The following SMIM36 variants were observed in gnomAD, a reference collection of about 807,000 sequenced individuals.
The protein encoded by SMIM36 is small integral membrane protein 36.
chr17:55,500,578 C>T (rs921604781), intron 1 of SMIM36, among the ~76,000 whole-genome samples: 1 of 150,982 alleles, frequency 6.6e-6, no homozygotes, highest in African/African-American at 2.4e-5. Context: ...AACTCAATGC[C>T]GTCTATTCCA....
At chr17:55,479,780 C>T (rs1909489330) in intron 1 of SMIM36, among the ~76,000 whole-genome samples, 200 bp from the exon 2 acceptor site, 1 of 152,132 alleles carries the variant, frequency 6.6e-6, no homozygotes, top group East Asian at 1.9e-4. Flanking sequence ...ATATTTTCAT[C>T]TTAGAGCCGT....
intron 1 of SMIM36, among the ~76,000 whole-genome samples, chr17:55,490,505 A>G (rs1909684062): frequency 6.6e-6 from 1 of 152,164 alleles, no homozygotes; most frequent in South Asian, 2.1e-4. Context: ...TACACTTGAC[A>G]TTTTTTGAGA....
rs528991834 is a variant in SMIM36 at position 55,473,930 on chromosome 17, C to T, written c.*347+4832G>A. 3.9e-5 allele frequency among the ~76,000 whole-genome samples: 6 copies of T among 152,240 alleles called. No individual in the cohort carries two copies. The South Asian group carries it at 6.2e-4, about 16-fold the overall frequency. ...ACCCTGGGCCTGGTAGTTTAAAGAT[C>T]GGCCCCTGACCTAATCAGTTATTTG... is the stretch of plus-strand genomic sequence containing the variant. On this transcript the variant is annotated intron_variant, in intron 3 of 4. Coordinates refer to ENST00000636752, the Ensembl canonical transcript of SMIM36.
chr17:55,500,812 ATATAT>A (rs1427402266), intron 1 of SMIM36, among the ~76,000 whole-genome samples: 2 of 55,090 alleles, frequency 3.6e-5, no homozygotes, highest in African/African-American at 7.2e-5. Flanking sequence ...ATATATTATA[ATATAT>A]TATATTTTAT....
chr17:55,493,315 T>C (rs1389108616), intron 1 of SMIM36, among the ~76,000 whole-genome samples: 6 of 152,112 alleles, frequency 3.9e-5, no homozygotes, highest in Admixed American at 1.3e-4. Context: ...TAAGTGAAGC[T>C]AGTGCCTCCT....
chr17:55,486,059 G>A (rs568758284), intron 1 of SMIM36, among the ~76,000 whole-genome samples: 24 of 143,978 alleles, frequency 1.7e-4, no homozygotes, highest in African/African-American at 4.6e-4. Flanking sequence ...TTTTTGAGAC[G>A]GAGTCTTGCT....
chr17:55,450,894 C>CT (rs945991045), intron 4 of SMIM36, among the ~76,000 whole-genome samples: 80 of 149,666 alleles, frequency 5.3e-4, no homozygotes, highest in African/African-American at 1.3e-3. Flanking sequence ...ATAGTGGCTT[C>CT]TTTTTTTTTT....
At chr17:55,452,735 A>G (rs1215690667) in intron 4 of SMIM36, among the ~76,000 whole-genome samples, 1 of 152,204 alleles carries the variant, frequency 6.6e-6, no homozygotes, top group African/African-American at 2.4e-5. Context: ...TTGCTTTCTA[A>G]TAGAAAAAAT....
intron 1 of SMIM36, among the ~76,000 whole-genome samples, chr17:55,496,909 C>T (rs1225493462): frequency 6.6e-6 from 1 of 152,166 alleles, no homozygotes; most frequent in African/African-American, 2.4e-5. Flanking sequence ...GCATGACAGT[C>T]TCAAACTCCC....
chr17:55,461,460 G>GT lies in SMIM36; in HGVS notation c.*531+5684dup, dbSNP rs1276334153. On this transcript the variant is annotated intron_variant, in intron 4 of 4. Transcript: ENST00000636752. Reference sequence around the variant, plus strand: ...AACTATAGGGACAGAAATCAGATCAGTGATTGCCAGGGACTGTGGTGGGGA... The same window carrying GT: ...AACTATAGGGACAGAAATCAGATCAGTTGATTGCCAGGGACTGTGGTGGGGA... Among the ~76,000 whole-genome samples the GT allele has an allele frequency of 2.6e-5, 4 of 152,278 alleles. No homozygotes were observed. In the East Asian group the frequency reaches 7.7e-4, roughly 29 times the overall value.
chr17:55,489,905 G>A (rs544488219), intron 1 of SMIM36, among the ~76,000 whole-genome samples: 4 of 152,154 alleles, frequency 2.6e-5, no homozygotes, highest in African/African-American at 4.8e-5. Context: ...CTGGAGTGCA[G>A]TGGCACAATC....
At chr17:55,515,412 A>G (rs1307278881), upstream of SMIM36, among the ~76,000 whole-genome samples, 2 of 152,100 alleles carry the variant, frequency 1.3e-5, no homozygotes, top group Non-Finnish European at 2.9e-5. Context: ...TTCCATCTAT[A>G]CTGGGTTGAA....
chr17:55,467,589 G>T (rs1297510386), intron 3 of SMIM36, among the ~76,000 whole-genome samples: 1 of 152,068 alleles, frequency 6.6e-6, no homozygotes, highest in Non-Finnish European at 1.5e-5. Context: ...GTAGAGACGG[G>T]GTTTCACTGT....
intron 1 of SMIM36, among the ~76,000 whole-genome samples, chr17:55,503,296 AG>A (rs1910025288): frequency 1.1e-5 from 1 of 89,172 alleles, no homozygotes. Flanking sequence ...GTTGAAATGA[AG>A]GAAAAAATGT....
chr17:55,452,616 C>T (rs918928965), intron 4 of SMIM36, among the ~76,000 whole-genome samples: 6 of 152,232 alleles, frequency 3.9e-5, no homozygotes, highest in Non-Finnish European at 7.3e-5. Context: ...GCTGCCTCCA[C>T]GTGCTCTGCT....
At chr17:55,517,970 A>G in the SMIM36 span, among the ~76,000 whole-genome samples, 1 of 152,220 alleles carries the variant, frequency 6.6e-6, no homozygotes, top group Non-Finnish European at 1.5e-5. Flanking sequence ...AATAATAAAG[A>G]GGAGTGAACA....
At chr17:55,495,039 CAG>C (rs1909784247) in intron 1 of SMIM36, among the ~76,000 whole-genome samples, 1 of 152,206 alleles carries the variant, frequency 6.6e-6, no homozygotes, top group South Asian at 2.1e-4. Flanking sequence ...TTTCCAAAGA[CAG>C]AACTCATGTC....
upstream of SMIM36, among the ~76,000 whole-genome samples, chr17:55,515,097 T>TTTTTTTTTTTG (rs1910249686): frequency 9.4e-6 from 1 of 105,864 alleles, no homozygotes; most frequent in African/African-American, 9.1e-5. Flanking sequence ...TTTTTTTTTT[T>TTTTTTTTTTTG]TTTTTTTTTT....
chr17:55,497,956 T>C (rs1253415736), intron 1 of SMIM36, among the ~76,000 whole-genome samples: 1 of 152,190 alleles, frequency 6.6e-6, no homozygotes, highest in East Asian at 1.9e-4. Flanking sequence ...AACAAAGTAC[T>C]GCAAACCATG....
Sources: gnomAD v4.1 joint callset for allele counts (sites outside exome capture counted in the v4.1 genomes callset) on GRCh38, gnomAD v4.1.1 for gene constraint, MANE v1.5 for transcripts, NCBI Gene and HGNC (gene_info 2026-07-23, HGNC 2026-07-21) for gene names.